Variants in FREM1 observed in about 807,000 individuals in gnomAD.
FREM1 encodes the protein FRAS1-related extracellular matrix protein 1.
A neutral mutation model predicts 210.1 loss-of-function variants in FREM1; 220 were observed. That is an observed-to-expected ratio of 1.05 (90% confidence interval 0.94 to 1.17). The LOEUF (loss-of-function observed/expected upper bound fraction) is 1.17. Ranked by LOEUF, FREM1 falls within the 50% of genes most tolerant of loss-of-function variation. FREM1 has a pLI of 0.00. For synonymous variants in FREM1, 1,189 were observed against 980.2 expected (o/e 1.21, Z -3.98); for missense variants, 3,454 against 2,675.5 (o/e 1.29, Z -6.42).
At chr9:14,893,693 T>A (rs1302156433) in intron 1 of FREM1, among the ~76,000 whole-genome samples, 2 of 152,238 alleles carry the variant, frequency 1.3e-5, no homozygotes, top group Admixed American at 6.5e-5. Flanking sequence ...GTTTGACATG[T>A]AAGCTGTGTA....
chr9:14,847,394 A>AAG (rs1359053582), intron 7 of FREM1, among the ~76,000 whole-genome samples: 8 of 138,656 alleles, frequency 5.8e-5, no homozygotes, highest in Non-Finnish European at 1.1e-4. Context: ...AGAGGGAGAG[A>AAG]GAAAAAGAAG....
At chr9:14,767,541 G>A (rs1002920003) in intron 27 of FREM1, among the ~76,000 whole-genome samples, 23 of 152,142 alleles carry the variant, frequency 1.5e-4, no homozygotes, top group African/African-American at 5.1e-4. Flanking sequence ...TGGTTCTGAT[G>A]ATTAAATGAA....
intron 35 of FREM1, among the ~76,000 whole-genome samples, chr9:14,743,275 A>G (rs1232280257): frequency 6.6e-6 from 1 of 152,066 alleles, no homozygotes; most frequent in African/African-American, 2.4e-5. Flanking sequence ...GTATTCATAG[A>G]TACGTGAAGA....
In FREM1 at chr9:14,836,782, TC is replaced by T. The variant is rs1824696808; in HGVS notation, c.1881+4664del. 6.6e-6 allele frequency among the ~76,000 whole-genome samples: 1 copy of T among 152,288 alleles called. No homozygotes were observed. The highest frequency in any genetic ancestry group is 2.4e-5 in the African/African-American group (1 of 41,552). On this transcript the variant is annotated intron_variant, in intron 10 of 36. Transcript: ENST00000380880. This position sits in a 1 kb window ranked among gnomAD's most constrained non-coding sequence, Gnocchi z 4.9. ...TCCCAGGAGGAGCCCTAACTGCTGT[TC>T]CCCATTCAACGCCCCTTTTAAGTAG... is the stretch of plus-strand genomic sequence containing the variant.
At chr9:14,879,898 T>C (rs538580201) in intron 1 of FREM1, among the ~76,000 whole-genome samples, 2 of 152,308 alleles carry the variant, frequency 1.3e-5, no homozygotes, top group South Asian at 2.1e-4. Context: ...CAATATAGTA[T>C]AGATAGACTG....
rs1406394036 is a variant in FREM1, at chr9:14,861,314, T to TATATACAC, written c.330-1838_330-1831dup. On this transcript the variant is annotated intron_variant, in intron 3 of 36. Coordinates refer to ENST00000380880, the MANE Select transcript of FREM1 (RefSeq NM_001379081.2). The stretch of plus-strand genomic sequence containing the variant: ...ATATACATATATACACATATATACA[T>TATATACAC]ATATACACATATATACATATATACA... 2.8e-5 allele frequency among the ~76,000 whole-genome samples: 3 copies of TATATACAC among 106,400 alleles called. 1 individual carries two copies. The East Asian group carries it at 7.2e-4, about 26-fold the overall frequency. The allele number at this position is 106,400 out of a possible 152,430, so 69.8% of individuals were successfully genotyped here.
chr9:14,863,320 G>A (rs1830906771), intron 3 of FREM1, among the ~76,000 whole-genome samples: 2 of 135,806 alleles, frequency 1.5e-5, no homozygotes, highest in East Asian at 4.2e-4. Flanking sequence ...CAGCCTGGGT[G>A]ACAGAGCAAG....
intron 29 of FREM1, among the ~76,000 whole-genome samples, chr9:14,755,308 G>C (rs150859087): frequency 6.6e-6 from 1 of 152,222 alleles, no homozygotes; most frequent in Non-Finnish European, 1.5e-5. Context: ...GCAATTTTGA[G>C]GTGGTGCTGG....
chr9:14,861,118 T>G (rs550718740), intron 3 of FREM1, among the ~76,000 whole-genome samples: 1 of 99,896 alleles, frequency 1.0e-5, no homozygotes, highest in African/African-American at 5.2e-5. Context: ...CACATATATA[T>G]ACATATATAC....
chr9:14,828,451 G>A (rs535953937), intron 10 of FREM1, among the ~76,000 whole-genome samples: 5 of 152,058 alleles, frequency 3.3e-5, no homozygotes, highest in Non-Finnish European at 7.3e-5. Flanking sequence ...CTCACAGCTC[G>A]AGGGGAAATT....
intron 18 of FREM1, among the ~76,000 whole-genome samples, 156 bp downstream of exon 18, chr9:14,806,505 C>T (rs958867739): frequency 2.6e-5 from 4 of 152,164 alleles, no homozygotes; most frequent in African/African-American, 9.7e-5. Flanking sequence ...CTGCCCATCT[C>T]GGCCTCCCAA....
intron 28 of FREM1, among the ~76,000 whole-genome samples, chr9:14,756,794 T>C (rs1373587842): frequency 6.6e-6 from 1 of 152,162 alleles, no homozygotes; most frequent in African/African-American, 2.4e-5. Context: ...CCAATTTGGT[T>C]TTAAAATAGT....
At chr9:14,874,326 A>G (rs1170451273) in intron 1 of FREM1, among the ~76,000 whole-genome samples, 13 of 151,142 alleles carry the variant, frequency 8.6e-5, no homozygotes, top group Non-Finnish European at 1.8e-4. Context: ...GTCACTCAGG[A>G]CTTGCTTTAT....
chr9:14,807,895 C>T, intron 17 of FREM1, 45 bp downstream of exon 17: 2 of 1,349,988 alleles, frequency 1.5e-6, no homozygotes, highest in Non-Finnish European at 2.1e-6. Context: ...ACAGGTATGA[C>T]ACTAGGTCAG....
chr9:14,846,643 T>G (rs188507608), intron 7 of FREM1, among the ~76,000 whole-genome samples: 139 of 152,338 alleles, frequency 9.1e-4, no homozygotes, highest in African/African-American at 2.9e-3. Context: ...CTATAAAAGC[T>G]TTTCAAGAAA....
At chr9:14,777,258 G>A (rs1211555001) in intron 24 of FREM1, among the ~76,000 whole-genome samples, 1 of 152,118 alleles carries the variant, frequency 6.6e-6, no homozygotes, top group Non-Finnish European at 1.5e-5. Flanking sequence ...TCTACCTACT[G>A]AAGCCAATTT....
chr9:14,863,712 A>G (rs1588459725), intron 3 of FREM1, 97 bp downstream of exon 3: 1 of 686,706 alleles, frequency 1.5e-6, no homozygotes, highest in East Asian at 2.7e-5. Flanking sequence ...GAATCTATTA[A>G]CTCCCCTCAT....
Position 14,747,340 on chromosome 9 carries a change from T to C in FREM1, c.5933A>G (p.Gln1978Arg). ...CAGTTCTGCCACTTTGATTGTCTTT[T>C]GTGGCTGACTAATGATGGATACTTT... ...KAKVSIISQP[Q>R]KTIKVAELPQ... is the part of the protein sequence containing the mutation. Residue 1978 changes from glutamine to arginine, a missense_variant, in exon 33 of 37, where the codon CAA becomes CGA. Coordinates refer to ENST00000380880, the MANE Select transcript of FREM1 (RefSeq NM_001379081.2). The C allele has an allele frequency of 1.9e-6, 3 of 1,613,840 alleles. No homozygotes were observed. The highest frequency in any genetic ancestry group is 2.5e-6 in the Non-Finnish European group (3 of 1,179,764).
chr9:14,775,816 C>T lies in FREM1; in HGVS notation c.4830G>A (p.Trp1610Ter). The change falls in exon 25 of 37, where the codon TGG becomes TGA. Residue 1610 changes from tryptophan to a stop codon, truncating the protein, a stop_gained. Transcript: ENST00000380880. LOFTEE classifies it high-confidence loss of function. Reference protein sequence around the residue: ...NQGFIVNGRVWEEPVLFTIQV... With the variant: ...NQGFIVNGRV ...GAATGGTGAATAAAACAGGTTCTTC[C>T]CACACTCTCCCATTCACAATAAAGC... is the stretch of plus-strand genomic sequence containing the variant. 6.2e-7 allele frequency: 1 copy of T among 1,613,214 alleles called. No homozygotes were observed. Among genetic ancestry groups the T allele is most frequent in the Non-Finnish European group, 8.5e-7 (1 of 1,179,370 alleles).
Sources: gnomAD v4.1 joint callset for allele counts (sites outside exome capture counted in the v4.1 genomes callset) on GRCh38, gnomAD v4.1.1 for gene constraint, Gnocchi (gnomAD v3.1) non-coding constraint, MANE v1.5 for transcripts, NCBI Gene and HGNC (gene_info 2026-07-23, HGNC 2026-07-21) for gene names.